Variants in PPP3CA observed in about 807,000 individuals in gnomAD.
PPP3CA encodes protein phosphatase 3 catalytic subunit alpha.
In PPP3CA, 14 loss-of-function variants were observed where a neutral mutation model predicts 66.5. The observed-to-expected ratio is 0.21, with a 90% confidence interval of 0.14 to 0.33. PPP3CA has a LOEUF of 0.33. Ranked by LOEUF, PPP3CA falls within the 10% of genes least tolerant of loss-of-function variation. The pLI, the probability that PPP3CA is intolerant of heterozygous loss-of-function variation, is 1.00. For missense variants in PPP3CA, 317 were observed against 639.5 expected (o/e 0.50, Z 5.44); for synonymous variants, 232 against 226.2 (o/e 1.03, Z -0.23).
chr4:101,204,172 A>G (rs1173846369), intron 1 of PPP3CA, among the ~76,000 whole-genome samples: 1 of 151,658 alleles, frequency 6.6e-6, no homozygotes, highest in African/African-American at 2.4e-5. Flanking sequence ...CACCTGACTA[A>G]TTTTTTTAAT....
intron 11 of PPP3CA, among the ~76,000 whole-genome samples, 196 bp from the exon 12 acceptor site, chr4:101,032,560 G>T (rs1382600728): frequency 6.6e-6 from 1 of 151,776 alleles, no homozygotes; most frequent in Non-Finnish European, 1.5e-5. Flanking sequence ...ATAAACGATT[G>T]CTACCATAAA....
At chr4:101,210,454 T>C (rs572394813) in intron 1 of PPP3CA, among the ~76,000 whole-genome samples, 7 of 152,294 alleles carry the variant, frequency 4.6e-5, no homozygotes, top group Admixed American at 1.3e-4. Flanking sequence ...TTAAACAAAC[T>C]AATATTTGTA....
intron 1 of PPP3CA, among the ~76,000 whole-genome samples, chr4:101,241,130 G>C (rs1726294272): frequency 6.6e-6 from 1 of 151,980 alleles, no homozygotes; most frequent in Non-Finnish European, 1.5e-5. Flanking sequence ...GCCTCCTAAA[G>C]TTCTGGGATT....
At chr4:101,232,023 C>T (rs1725978878) in intron 1 of PPP3CA, among the ~76,000 whole-genome samples, 1 of 151,520 alleles carries the variant, frequency 6.6e-6, no homozygotes, top group East Asian at 2.0e-4. Flanking sequence ...AAGATATAAG[C>T]TCCCCAAGAT....
intron 1 of PPP3CA, among the ~76,000 whole-genome samples, chr4:101,292,576 C>T (rs911372245): frequency 1.3e-5 from 2 of 152,170 alleles, no homozygotes; most frequent in East Asian, 1.9e-4. Flanking sequence ...CTTTTAAATA[C>T]TATATACAGA....
intron 1 of PPP3CA, among the ~76,000 whole-genome samples, chr4:101,228,612 TA>T (rs1178639000): frequency 6.6e-6 from 1 of 151,524 alleles, no homozygotes; most frequent in Non-Finnish European, 1.5e-5. Context: ...AAATCTTTCA[TA>T]AAAAAGGGGC....
chr4:101,142,969 A>T (rs113744576), intron 2 of PPP3CA, among the ~76,000 whole-genome samples: 6,799 of 152,042 alleles, frequency 0.045, 214 homozygotes, highest in Middle Eastern at 0.11. Flanking sequence ...CCCTGTGCTG[A>T]TCTCACTCTA....
At chr4:101,276,936 G>A (rs79203631) in intron 1 of PPP3CA, among the ~76,000 whole-genome samples, 1,809 of 151,696 alleles carry the variant, frequency 0.012, 25 homozygotes, top group African/African-American at 0.04. Flanking sequence ...CACATTCTAC[G>A]GATTTCAACA....
chr4:101,272,446 C>G (rs1389415609), intron 1 of PPP3CA, among the ~76,000 whole-genome samples: 1 of 152,112 alleles, frequency 6.6e-6, no homozygotes, highest in African/African-American at 2.4e-5. Context: ...ATACGTAGGA[C>G]AATAAGGCAA....
intron 13 of PPP3CA, among the ~76,000 whole-genome samples, chr4:101,026,572 G>C (rs1726661339): frequency 6.6e-6 from 1 of 152,068 alleles, no homozygotes; most frequent in African/African-American, 2.4e-5. Context: ...AAAGGAGCTA[G>C]AAAAGGAATT....
At position 101,024,387 on chromosome 4, in the gene PPP3CA, C is replaced by G. The variant is rs1048881153; in HGVS notation, c.*1478G>C. 2 of 152,630 alleles carry G rather than the reference C, an allele frequency of 1.3e-5. No individual in the cohort carries two copies. Among genetic ancestry groups the G allele is most frequent in the African/African-American group, 4.8e-5 (2 of 41,466 alleles). 9.5% of individuals were successfully genotyped at this position (152,630 alleles called of 1,614,324 possible). On this transcript the variant is annotated 3_prime_UTR_variant, in exon 14 of 14. Transcript: ENST00000394854. ...AAATGCTTTTTCTTTTTCATTGTTACAAGTGCATGCTTTGATTGCCAACAT... is the reference window on the plus strand; with the variant it reads ...AAATGCTTTTTCTTTTTCATTGTTAGAAGTGCATGCTTTGATTGCCAACAT...
intron 1 of PPP3CA, among the ~76,000 whole-genome samples, chr4:101,331,397 A>AT (rs1304991309): frequency 1.3e-5 from 2 of 152,198 alleles, no homozygotes; most frequent in African/African-American, 2.4e-5. Context: ...TCCCCAGTCA[A>AT]TTTTTTTGTT....
chr4:101,127,727 T>C (rs1019111292), intron 2 of PPP3CA, among the ~76,000 whole-genome samples: 3 of 150,718 alleles, frequency 2.0e-5, no homozygotes, highest in African/African-American at 4.8e-5. Context: ...ATTATTTGAG[T>C]TCTATTGCTA....
chr4:101,042,141 CA>C (rs1350302780), intron 10 of PPP3CA, among the ~76,000 whole-genome samples: 2 of 141,572 alleles, frequency 1.4e-5, no homozygotes, highest in Non-Finnish European at 3.0e-5. Flanking sequence ...ACAACACACA[CA>C]ATTTTGAAAT....
chr4:101,033,855 TAAATA>T (rs528682597), intron 11 of PPP3CA, among the ~76,000 whole-genome samples: 313 of 152,310 alleles, frequency 2.1e-3, no homozygotes, highest in African/African-American at 7.1e-3. Flanking sequence ...ACATTTCATA[TAAATA>T]AAATAATACA....
rs555823715 is a variant in PPP3CA, at chr4:101,245,397, A to C, written c.59-49281T>G. ...TTTATCCCGAAGAGTACAAACAAGA[A>C]TTGAATTCAGTCACCATATACTGTA... is the stretch of plus-strand genomic sequence containing the variant. On this transcript the variant is annotated intron_variant, in intron 1 of 13. Coordinates refer to ENST00000394854, the MANE Select transcript of PPP3CA (RefSeq NM_000944.5). 2.0e-4 allele frequency among the ~76,000 whole-genome samples: 31 copies of C among 152,342 alleles called. No homozygotes were observed. The South Asian group carries it at 5.6e-3, about 27-fold the overall frequency.
chr4:101,188,399 A>G (rs1724480788), intron 2 of PPP3CA, among the ~76,000 whole-genome samples: 1 of 152,122 alleles, frequency 6.6e-6, no homozygotes, highest in African/African-American at 2.4e-5. Flanking sequence ...ATATTAAAAT[A>G]CAATGTTGTT....
At chr4:101,292,350 T>C (rs187395479) in intron 1 of PPP3CA, among the ~76,000 whole-genome samples, 1 of 152,336 alleles carries the variant, frequency 6.6e-6, no homozygotes, top group East Asian at 1.9e-4. Flanking sequence ...TTGACTTTCA[T>C]TGCTTTCTGA....
At chr4:101,118,354 T>C (rs776249859) in intron 2 of PPP3CA, among the ~76,000 whole-genome samples, 4 of 151,904 alleles carry the variant, frequency 2.6e-5, no homozygotes, top group African/African-American at 9.7e-5. Flanking sequence ...TTTCTTCACA[T>C]GTAAAGATGA....
Sources: allele counts gnomAD v4.1 joint callset (sites outside exome capture counted in the v4.1 genomes callset), GRCh38; gene constraint gnomAD v4.1.1; transcripts MANE v1.5; gene names NCBI Gene and HGNC (gene_info 2026-07-23, HGNC 2026-07-21).